ARID5B: variants seen among roughly 807,000 people sequenced by gnomAD.
The protein encoded by ARID5B is AT-rich interactive domain-containing protein 5B.
Under a neutral mutation model 97.2 loss-of-function variants are expected in ARID5B, and 13 were observed. The observed-to-expected ratio is 0.13, with a 90% CI of 0.09 to 0.21. ARID5B has a LOEUF of 0.21. Among genes scored for constraint, ARID5B ranks in the 10% least tolerant of loss-of-function variants. The pLI, the probability that ARID5B is intolerant of heterozygous loss-of-function variation, is 1.00. For missense variants in ARID5B, 1,210 were observed against 1,465.3 expected (o/e 0.83, Z 2.84); for synonymous variants, 556 against 570.3 (o/e 0.97, Z 0.36).
intron 4 of ARID5B, among the ~76,000 whole-genome samples, chr10:62,040,541 C>G (rs891508196): frequency 1.3e-5 from 2 of 152,088 alleles, no homozygotes; most frequent in Admixed American, 1.3e-4. Context: ...ATAATCATAA[C>G]ATTGAATTAT....
chr10:62,023,015 CTG>C (rs972200432), intron 4 of ARID5B, among the ~76,000 whole-genome samples: 1 of 152,222 alleles, frequency 6.6e-6, no homozygotes, highest in African/African-American at 2.4e-5. Context: ...AAACATATCT[CTG>C]TGTTTGTCTC....
At chr10:62,009,610 C>G (rs921020496) in intron 4 of ARID5B, among the ~76,000 whole-genome samples, 7 of 152,172 alleles carry the variant, frequency 4.6e-5, no homozygotes, top group Non-Finnish European at 8.8e-5. Flanking sequence ...ACCCCCAGGT[C>G]TACTGACCCC....
At position 61,991,011 on chromosome 10, in the gene ARID5B, C is replaced by T. The variant is rs1838915886; in HGVS notation, c.503-9080C>T. Among the ~76,000 whole-genome samples the T allele has an allele frequency of 4.0e-5, 6 of 148,838 alleles. No individual in the cohort carries two copies. In the South Asian group the frequency reaches 1.3e-3, roughly 32 times the overall value. ...TTTGTGATTCCACTTTTAAATACCT[C>T]GTATAAGTGGAATCACAATATTTAT... On this transcript the variant is annotated intron_variant, in intron 3 of 9. Coordinates refer to ENST00000279873, the MANE Select transcript of ARID5B (RefSeq NM_032199.3).
rs188225116 is a variant in ARID5B at position 62,045,337 on chromosome 10, T to G, written c.734-5551T>G. Among the ~76,000 whole-genome samples the G allele has an allele frequency of 2.5e-3, 373 of 152,218 alleles. 3 individuals carry two copies. The highest frequency in any genetic ancestry group is 4.4e-3 in the Admixed American group (68 of 15,302). ...TGTAATGAAAGAGGAAGTTTCCAAA[T>G]AGTTAAAAGGGAAACATTGAAAATA... On this transcript the variant is annotated intron_variant, in intron 4 of 9. Coordinates refer to ENST00000279873, the MANE Select transcript of ARID5B (RefSeq NM_032199.3).
At chr10:62,041,237 G>A (rs1839633768) in intron 4 of ARID5B, among the ~76,000 whole-genome samples, 1 of 152,158 alleles carries the variant, frequency 6.6e-6, no homozygotes, top group African/African-American at 2.4e-5. Flanking sequence ...TACCACAGAA[G>A]AGTTTTTAAA....
At chr10:62,082,568 C>T (rs771680483) in intron 8 of ARID5B, among the ~76,000 whole-genome samples, 6 of 152,166 alleles carry the variant, frequency 3.9e-5, no homozygotes, top group Admixed American at 1.3e-4. Flanking sequence ...AAATAATCAA[C>T]CTCAAGGCGC....
chr10:61,994,252 A>T (rs543535993), intron 3 of ARID5B, among the ~76,000 whole-genome samples: 31 of 152,126 alleles, frequency 2.0e-4, no homozygotes, highest in East Asian at 1.7e-3. Context: ...GTTTTTTTTT[A>T]AAAGATTTTT....
At chr10:61,932,853 C>A (rs148615844) in intron 2 of ARID5B, among the ~76,000 whole-genome samples, 249 of 152,174 alleles carry the variant, frequency 1.6e-3, no homozygotes, top group Middle Eastern at 3.4e-3. Flanking sequence ...CCCAGCACTT[C>A]GGGAGGATGA....
At position 61,901,775 on chromosome 10, in the gene ARID5B, A is replaced by AC. The variant is rs769969469; in HGVS notation, c.21+51dup. 4.0e-6 allele frequency: 5 copies of AC among 1,247,718 alleles called. No individual in the cohort carries two copies. In the Admixed American group the frequency reaches 7.9e-5, roughly 20 times the overall value. 77.3% of individuals were successfully genotyped at this position (1,247,718 alleles called of 1,614,324 possible). A position where few individuals can be genotyped will look rare whatever the true frequency, so the allele number is the denominator to read the frequency against. On this transcript the variant is annotated intron_variant, in intron 1 of 9. Transcript: ENST00000279873. ...TCCTCCGATCCCGGCACCCCCCGGC[A>AC]CCCCCCAACCCCCCAGCTCACCCAC...
At chr10:61,948,793 C>A (rs529530769) in intron 3 of ARID5B, among the ~76,000 whole-genome samples, 4 of 152,188 alleles carry the variant, frequency 2.6e-5, no homozygotes. Context: ...ATGGCCAGAA[C>A]TCTAAGGAGC....
intron 2 of ARID5B, among the ~76,000 whole-genome samples, chr10:61,938,119 C>CA (rs145457708): frequency 1.3e-5 from 2 of 152,094 alleles, no homozygotes; most frequent in African/African-American, 2.4e-5. Flanking sequence ...AAAGGGAGGA[C>CA]AAAACCTATA....
At chr10:62,033,836 G>T (rs1053492189) in intron 4 of ARID5B, among the ~76,000 whole-genome samples, 1 of 152,144 alleles carries the variant, frequency 6.6e-6, no homozygotes. Context: ...TTGACGAACG[G>T]TTAAATTCAG....
chr10:62,028,055 A>G (rs1238681076), intron 4 of ARID5B, among the ~76,000 whole-genome samples: 4 of 152,230 alleles, frequency 2.6e-5, no homozygotes, highest in African/African-American at 9.6e-5. Context: ...TGGATGAGTT[A>G]ACTCTAAGTC....
chr10:62,029,585 C>T lies in ARID5B; in HGVS notation c.734-21303C>T, dbSNP rs148755684. The stretch of plus-strand genomic sequence containing the variant: ...CACTGATCTGAGCTCTGAATCATTT[C>T]CCCTAATTTACAGATGAGGAAACTG... On this transcript the variant is annotated intron_variant, in intron 4 of 9. Coordinates refer to ENST00000279873, the MANE Select transcript of ARID5B (RefSeq NM_032199.3). Among the ~76,000 whole-genome samples, 645 of 152,300 alleles carry T rather than the reference C, an allele frequency of 4.2e-3. 7 individuals are homozygous for T. Among genetic ancestry groups the T allele is most frequent in the African/African-American group, 0.015 (611 of 41,556 alleles).
intron 7 of ARID5B, among the ~76,000 whole-genome samples, chr10:62,059,565 A>G (rs1050388486): frequency 1.3e-5 from 2 of 152,176 alleles, no homozygotes; most frequent in Non-Finnish European, 2.9e-5. Context: ...ATTTTTTCCC[A>G]TGTTGAGAAA....
chr10:61,941,215 C>A (rs1358409575), intron 3 of ARID5B, among the ~76,000 whole-genome samples: 1 of 150,400 alleles, frequency 6.6e-6, no homozygotes, highest in Non-Finnish European at 1.5e-5. Flanking sequence ...CATTGACTGG[C>A]ATAAAGGAGG....
intron 6 of ARID5B, among the ~76,000 whole-genome samples, chr10:62,057,887 G>T (rs1321507141): frequency 6.6e-6 from 1 of 152,126 alleles, no homozygotes; most frequent in Non-Finnish European, 1.5e-5. Flanking sequence ...TTTGCAAGGA[G>T]AACAGGAAAC....
intron 3 of ARID5B, among the ~76,000 whole-genome samples, chr10:61,998,222 C>T (rs1439453944): frequency 2.0e-5 from 3 of 152,200 alleles, no homozygotes; most frequent in Non-Finnish European, 4.4e-5. Context: ...GCACACCTTC[C>T]ATTGGTACTG....
chr10:61,997,276 A>G (rs534122752), intron 3 of ARID5B, among the ~76,000 whole-genome samples: 13 of 149,208 alleles, frequency 8.7e-5, no homozygotes, highest in African/African-American at 3.2e-4. Context: ...AGGTGGAGAG[A>G]AAAAAAAAAG....
Sources: gnomAD v4.1 joint callset for allele counts (sites outside exome capture counted in the v4.1 genomes callset) on GRCh38, gnomAD v4.1.1 for gene constraint, MANE v1.5 for transcripts, NCBI Gene and HGNC (gene_info 2026-07-23, HGNC 2026-07-21) for gene names.